Variants in IL23R observed in about 807,000 individuals in gnomAD.
The protein encoded by IL23R is interleukin 23 receptor.
In IL23R, 34 loss-of-function variants were observed where a neutral mutation model predicts 56.9. That is an observed-to-expected ratio of 0.60 (90% CI 0.45 to 0.80). IL23R has a LOEUF of 0.80. Ranked by LOEUF, IL23R falls within the 30% of genes least tolerant of loss-of-function variation. IL23R has a pLI of 0.00. For synonymous variants in IL23R, 230 were observed against 249.2 expected (o/e 0.92, Z 0.73); for missense variants, 635 against 730.0 (o/e 0.87, Z 1.50).
intron 9 of IL23R, among the ~76,000 whole-genome samples, chr1:67,250,911 C>A (rs1652562059): frequency 6.6e-6 from 1 of 152,176 alleles, no homozygotes; most frequent in African/African-American, 2.4e-5. Flanking sequence ...AGCTGGAAGG[C>A]AAAATGGATT....
chr1:67,253,381 G>T (rs1652756718), intron 9 of IL23R, among the ~76,000 whole-genome samples: 1 of 152,222 alleles, frequency 6.6e-6, no homozygotes, highest in African/African-American at 2.4e-5. Flanking sequence ...GATTAGAGTT[G>T]TTTGGTGTGG....
intron 9 of IL23R, among the ~76,000 whole-genome samples, chr1:67,248,800 G>A (rs139953689): frequency 6.6e-5 from 10 of 152,260 alleles, no homozygotes; most frequent in African/African-American, 1.4e-4. Flanking sequence ...GCCAGGCACC[G>A]GAGGGAATCT....
At chr1:67,176,122 A>T (rs1647004550) in intron 3 of IL23R, among the ~76,000 whole-genome samples, 1 of 152,166 alleles carries the variant, frequency 6.6e-6, no homozygotes, top group African/African-American at 2.4e-5. Flanking sequence ...GACCTTAGCA[A>T]CAATGGTTTT....
intron 1 of IL23R, among the ~76,000 whole-genome samples, chr1:67,143,763 A>G (rs7539795): frequency 0.47 from 71,665 of 152,002 alleles, 17,734 homozygotes; most frequent in South Asian, 0.63. Context: ...AAATTTTTCT[A>G]TGAAGCTGTA....
chr1:67,160,856 G>A (rs569636194), intron 1 of IL23R, among the ~76,000 whole-genome samples: 1 of 152,126 alleles, frequency 6.6e-6, no homozygotes, highest in South Asian at 2.1e-4. Context: ...AGCTAGCAGA[G>A]CTCTATTCTT....
intron 1 of IL23R, among the ~76,000 whole-genome samples, chr1:67,155,247 A>G (rs1212452618): frequency 1.3e-5 from 2 of 152,030 alleles, no homozygotes; most frequent in Non-Finnish European, 2.9e-5. Flanking sequence ...TTGACCTTGG[A>G]GAATCTGATG....
chr1:67,241,302 T>C (rs547876486), intron 9 of IL23R, among the ~76,000 whole-genome samples: 2 of 152,318 alleles, frequency 1.3e-5, no homozygotes, highest in South Asian at 4.1e-4. Flanking sequence ...TACCTCCTTA[T>C]GCTGGAACAT....
At chr1:67,151,137 G>A (rs1444288751) in intron 1 of IL23R, among the ~76,000 whole-genome samples, 1 of 152,116 alleles carries the variant, frequency 6.6e-6, no homozygotes, top group Admixed American at 6.6e-5. Context: ...ACTTTTTAAT[G>A]ATCACCATTC....
intron 10 of IL23R, among the ~76,000 whole-genome samples, chr1:67,257,211 G>A (rs75496643): frequency 0.12 from 17,870 of 152,162 alleles, 1,573 homozygotes; most frequent in Admixed American, 0.27. Context: ...TTTTCTGCCC[G>A]AGAGACTAAG....
intron 7 of IL23R, among the ~76,000 whole-genome samples, chr1:67,226,494 T>A (rs1448934529): frequency 6.6e-6 from 1 of 152,194 alleles, no homozygotes; most frequent in African/African-American, 2.4e-5. Flanking sequence ...TCTCTCAGCA[T>A]TCAGATGCTC....
the IL23R span, among the ~76,000 whole-genome samples, chr1:67,265,217 AAAAT>A: frequency 2.0e-5 from 3 of 152,222 alleles, no homozygotes; most frequent in South Asian, 6.2e-4. Flanking sequence ...ATGCAACAGT[AAAAT>A]AAAGGGAATG....
chr1:67,203,007 G>A (rs1648748029), intron 5 of IL23R, among the ~76,000 whole-genome samples: 1 of 152,138 alleles, frequency 6.6e-6, no homozygotes, highest in South Asian at 2.1e-4. Context: ...TTTTGAGGTA[G>A]AATGCAGTAA....
chr1:67,168,508 C>T (rs538366995), intron 2 of IL23R, among the ~76,000 whole-genome samples: 2 of 152,272 alleles, frequency 1.3e-5, no homozygotes, highest in East Asian at 1.9e-4. Flanking sequence ...ACCTGTCAAA[C>T]ATTTGGATGC....
intron 4 of IL23R, among the ~76,000 whole-genome samples, chr1:67,185,719 C>T (rs963526385): frequency 7.9e-5 from 12 of 152,112 alleles, no homozygotes; most frequent in African/African-American, 2.4e-4. Context: ...AACACATTGC[C>T]AGGCCTAGAG....
intron 9 of IL23R, among the ~76,000 whole-genome samples, chr1:67,246,229 C>G (rs999847033): frequency 2.6e-5 from 4 of 152,052 alleles, no homozygotes; most frequent in Non-Finnish European, 5.9e-5. Context: ...GGCTAGCAGT[C>G]TATCTATTTT....
At chr1:67,183,295 G>A (rs1647183546) in intron 4 of IL23R, among the ~76,000 whole-genome samples, 1 of 152,226 alleles carries the variant, frequency 6.6e-6, no homozygotes, top group Non-Finnish European at 1.5e-5. Context: ...CACACTTTGG[G>A]AGGCCAAGGT....
intron 3 of IL23R, among the ~76,000 whole-genome samples, chr1:67,178,687 A>G (rs1471411597): frequency 3.3e-5 from 5 of 152,154 alleles, no homozygotes; most frequent in Admixed American, 6.5e-5. Context: ...GGGCATCCCC[A>G]TCTTGTGCCA....
In IL23R at chr1:67,225,540, C is replaced by T. The variant is rs141207682; in HGVS notation, c.955+5810C>T. Among the ~76,000 whole-genome samples, 581 of 147,102 alleles carry T rather than the reference C, an allele frequency of 3.9e-3. 2 individuals are homozygous for T. Among genetic ancestry groups the T allele is most frequent in the Non-Finnish European group, 6.3e-3 (420 of 66,940 alleles). ...GCACTTTTTTTTTTTTTGATACAGT[C>T]TCGCTCTGTCACCCAGGCTAGAGTG... On this transcript the variant is annotated intron_variant, in intron 7 of 10. Transcript: ENST00000347310.
chr1:67,214,820 G>A (rs563272392), intron 6 of IL23R, among the ~76,000 whole-genome samples: 2 of 152,130 alleles, frequency 1.3e-5, no homozygotes, highest in South Asian at 4.1e-4. Context: ...AAACAACAAG[G>A]AAGTAAAAGC....
Sources: gnomAD v4.1 joint callset for allele counts (sites outside exome capture counted in the v4.1 genomes callset) on GRCh38, gnomAD v4.1.1 for gene constraint, MANE v1.5 for transcripts, NCBI Gene and HGNC (gene_info 2026-07-23, HGNC 2026-07-21) for gene names.